The following CSGALNACT1 variants were observed in gnomAD, a reference collection of about 807,000 sequenced individuals.
The protein encoded by CSGALNACT1 is beta4GalNAcT-1.
A neutral mutation model predicts 51.0 loss-of-function variants in CSGALNACT1; 52 were observed. The observed-to-expected ratio is 1.02, with a 90% confidence interval of 0.82 to 1.29. CSGALNACT1 has a LOEUF of 1.29. CSGALNACT1 is among the 50% of genes most tolerant of loss of function. The probability of loss-of-function intolerance (pLI) is 0.00; values close to 1 mark genes in which losing one functional copy is unlikely to be tolerated. For missense variants in CSGALNACT1, 935 were observed against 679.2 expected (o/e 1.38, Z -4.19); for synonymous variants, 341 against 254.4 (o/e 1.34, Z -3.24).
chr8:19,511,889 C>T (rs913120910), intron 3 of CSGALNACT1, among the ~76,000 whole-genome samples: 2 of 152,134 alleles, frequency 1.3e-5, no homozygotes, highest in Admixed American at 1.3e-4. Context: ...GCAGAAGAGA[C>T]AGAAGGGGGA....
intron 2 of CSGALNACT1, among the ~76,000 whole-genome samples, chr8:19,596,785 CATT>C (rs1588876485): frequency 6.6e-6 from 1 of 152,072 alleles, no homozygotes; most frequent in East Asian, 1.9e-4. Flanking sequence ...AAAGGATAAT[CATT>C]ATAAAAATAG....
chr8:19,703,615 G>C (rs2154221102), intron 1 of CSGALNACT1, among the ~76,000 whole-genome samples: 1 of 152,274 alleles, frequency 6.6e-6, no homozygotes, highest in African/African-American at 2.4e-5. Flanking sequence ...CCCTCTCTTT[G>C]TTTTTAGTGC....
intron 1 of CSGALNACT1, among the ~76,000 whole-genome samples, chr8:19,736,927 A>AT (rs60221715): frequency 0.24 from 34,609 of 142,156 alleles, 4,329 homozygotes; most frequent in African/African-American, 0.34. Context: ...TCTGAACAGG[A>AT]TAAAAAAAAA....
At chr8:19,654,130 T>C (rs2058062609) in intron 1 of CSGALNACT1, among the ~76,000 whole-genome samples, 1 of 152,232 alleles carries the variant, frequency 6.6e-6, no homozygotes, top group African/African-American at 2.4e-5. Flanking sequence ...TTCAGAGTGC[T>C]TGAGGACCTC....
chr8:19,550,865 T>C, intron 3 of CSGALNACT1, among the ~76,000 whole-genome samples: 1 of 152,204 alleles, frequency 6.6e-6, no homozygotes, highest in East Asian at 1.9e-4. Context: ...TCCTATTTTC[T>C]CTAGCATGCT....
intron 1 of CSGALNACT1, among the ~76,000 whole-genome samples, chr8:19,646,287 G>C (rs1385238063): frequency 1.3e-5 from 2 of 152,200 alleles, no homozygotes; most frequent in Non-Finnish European, 2.9e-5. Context: ...GAGAGAGAAA[G>C]AGACAAAGCT....
rs536922206 is a variant in CSGALNACT1, at chr8:19,665,300, GAC to G, written c.-544+17171_-544+17172del. Among the ~76,000 whole-genome samples, 275 of 152,298 alleles carry G rather than the reference GAC, an allele frequency of 1.8e-3. 1 individual carries two copies. The highest frequency in any genetic ancestry group is 3.4e-3 in the Non-Finnish European group (229 of 68,024). ...GATAGGTAAATCCAGGGATTAAAAA[GAC>G]AAACTTCTTTGTAGAAGTATTCACA... On this transcript the variant is annotated intron_variant, in intron 1 of 9. Transcript: ENST00000332246.
chr8:19,697,215 G>C (rs1192685670), intron 1 of CSGALNACT1, among the ~76,000 whole-genome samples: 6 of 152,102 alleles, frequency 3.9e-5, no homozygotes, highest in East Asian at 1.9e-4. Flanking sequence ...CCACCATGAA[G>C]AGGAAAAATG....
intron 3 of CSGALNACT1, among the ~76,000 whole-genome samples, chr8:19,561,925 G>C (rs2040825138): frequency 6.6e-6 from 1 of 151,954 alleles, no homozygotes; most frequent in East Asian, 1.9e-4. Flanking sequence ...ATTTCAGCAT[G>C]CGGCCTGATC....
At chr8:19,560,976 T>C (rs191408475) in intron 3 of CSGALNACT1, among the ~76,000 whole-genome samples, 1 of 152,170 alleles carries the variant, frequency 6.6e-6, no homozygotes, top group Non-Finnish European at 1.5e-5. Flanking sequence ...AAGCCACAGC[T>C]ACACACAGCA....
At chr8:19,551,889 C>G (rs1383478921) in intron 3 of CSGALNACT1, among the ~76,000 whole-genome samples, 1 of 152,074 alleles carries the variant, frequency 6.6e-6, no homozygotes, top group African/African-American at 2.4e-5. Context: ...TTCCAATTGT[C>G]CTATATAACC....
At chr8:19,655,559 T>TGCACATATATATAC (rs1564359796) in intron 1 of CSGALNACT1, among the ~76,000 whole-genome samples, 5 of 140,860 alleles carry the variant, frequency 3.5e-5, no homozygotes, top group African/African-American at 1.3e-4. Context: ...CACATATATA[T>TGCACATATATATAC]ACACACACAC....
intron 4 of CSGALNACT1, among the ~76,000 whole-genome samples, chr8:19,499,675 G>C (rs1031865475): frequency 6.6e-6 from 1 of 152,182 alleles, no homozygotes; most frequent in Non-Finnish European, 1.5e-5. Flanking sequence ...TGTACTGTGA[G>C]ACTCATAATT....
At chr8:19,564,050 C>G (rs774162195) in intron 3 of CSGALNACT1, among the ~76,000 whole-genome samples, 1 of 152,196 alleles carries the variant, frequency 6.6e-6, no homozygotes, top group African/African-American at 2.4e-5. Flanking sequence ...CTGCCCTGTC[C>G]TGACTTGATC....
intron 1 of CSGALNACT1, among the ~76,000 whole-genome samples, chr8:19,715,038 G>C (rs1189697423): frequency 6.6e-6 from 1 of 152,186 alleles, no homozygotes; most frequent in Non-Finnish European, 1.5e-5. Flanking sequence ...GGAAGAAAAA[G>C]AGGTTTAATT....
At chr8:19,663,601 G>C (rs1183964502) in intron 1 of CSGALNACT1, among the ~76,000 whole-genome samples, 5 of 152,176 alleles carry the variant, frequency 3.3e-5, no homozygotes, top group Admixed American at 1.3e-4. Context: ...ACCTCCTTAA[G>C]CTTCAAATTC....
chr8:19,653,217 T>G (rs1205139523), intron 1 of CSGALNACT1, among the ~76,000 whole-genome samples: 1 of 152,290 alleles, frequency 6.6e-6, no homozygotes, highest in South Asian at 2.1e-4. Context: ...ACATTCCCAA[T>G]GGATGGTCAC....
intron 1 of CSGALNACT1, among the ~76,000 whole-genome samples, chr8:19,692,143 G>C (rs756485498): frequency 6.6e-6 from 1 of 152,036 alleles, no homozygotes; most frequent in Non-Finnish European, 1.5e-5. Context: ...TGGAGGAACC[G>C]CCCCCATGAT....
chr8:19,476,409 A>C (rs2069658127), intron 4 of CSGALNACT1, among the ~76,000 whole-genome samples: 1 of 151,936 alleles, frequency 6.6e-6, no homozygotes, highest in African/African-American at 2.4e-5. Context: ...CCTGGCTAAT[A>C]TATTCTATTT....
Sources: allele counts gnomAD v4.1 joint callset (sites outside exome capture counted in the v4.1 genomes callset), GRCh38; gene constraint gnomAD v4.1.1; transcripts MANE v1.5; gene names NCBI Gene and HGNC (gene_info 2026-07-23, HGNC 2026-07-21).